The following EXO1 variants were observed in gnomAD, a reference collection of about 807,000 sequenced individuals.
EXO1 encodes exonuclease 1.
Under a neutral mutation model 84.5 loss-of-function variants are expected in EXO1, and 69 were observed. That is an observed-to-expected ratio of 0.82 (90% CI 0.67 to 1.00). The LOEUF (loss-of-function observed/expected upper bound fraction) is 1.00, where lower values mean the gene tolerates loss of function less well. Ranked by LOEUF, EXO1 falls within the 50% of genes least tolerant of loss-of-function variation. EXO1 has a pLI of 0.00. For synonymous variants in EXO1, 373 were observed against 366.1 expected, an observed-to-expected ratio of 1.02 and a Z score of -0.21; for missense variants, 1,045 against 1,000.7, an observed-to-expected ratio of 1.04 and a Z score of -0.60.
At chr1:241,860,447 A>G in intron 8 of EXO1, 70 bp from the exon 9 acceptor site, 1 of 1,211,050 alleles carries the variant, frequency 8.3e-7, no homozygotes, top group Non-Finnish European at 1.2e-6. Flanking sequence ...AATGTAAATC[A>G]ATCAGCCTTG....
At chr1:241,871,277 G>A (rs373468856) in intron 11 of EXO1, among the ~76,000 whole-genome samples, 317 of 152,236 alleles carry the variant, frequency 2.1e-3, no homozygotes, top group African/African-American at 7.3e-3. Context: ...GAGACATCTC[G>A]TTTCTGGTAT....
intron 5 of EXO1, 148 bp downstream of exon 5, chr1:241,852,559 C>T (rs1660732966): frequency 2.8e-6 from 2 of 722,662 alleles, no homozygotes; most frequent in East Asian, 5.0e-5. Flanking sequence ...GCAAGAGGAT[C>T]ACTTGAGCCC....
In EXO1 at chr1:241,860,674, T is replaced by G; in HGVS notation, c.914T>G (p.Val305Gly). Residue 305 changes from valine to glycine, a missense_variant, in exon 9 of 16, where the codon GTT (valine) becomes GGT (glycine). By Grantham distance (109) the Val-to-Gly change is moderately radical. Transcript: ENST00000366548. ...CCTCTGAACGCCTATGAAGATGATG[T>G]TGATCCTGAAACACTAAGCTACGCT... ...LIPLNAYEDDVDPETLSYAGQ... is the reference protein window; with the variant it reads ...LIPLNAYEDDGDPETLSYAGQ... 1 of 1,614,084 alleles carries G rather than the reference T, an allele frequency of 6.2e-7. No individual in the cohort carries two copies. Among genetic ancestry groups the G allele is most frequent in the East Asian group, 2.2e-5 (1 of 44,868 alleles).
intron 8 of EXO1, among the ~76,000 whole-genome samples, 161 bp downstream of exon 8, chr1:241,858,879 T>C (rs1343808914): frequency 6.6e-6 from 1 of 152,210 alleles, no homozygotes; most frequent in East Asian, 1.9e-4. Context: ...CCTTAGCAAC[T>C]AACATATATT....
chr1:241,860,647 T>G lies in EXO1; in HGVS notation c.887T>G (p.Ile296Ser). The stretch of plus-strand genomic sequence containing the variant: ...TTTGATCCCATCAAAAGGAAACTTA[T>G]TCCTCTGAACGCCTATGAAGATGAT... ...LVFDPIKRKL[I>S]PLNAYEDDVD... is the part of the protein sequence containing the mutation. Residue 296 changes from isoleucine (I) to serine (S), a missense_variant, in exon 9 of 16, where the codon ATT becomes AGT. Transcript: ENST00000366548. The G allele has an allele frequency of 6.2e-7, 1 of 1,614,128 alleles. No individual in the cohort carries two copies. The highest frequency in any genetic ancestry group is 1.7e-5 in the Admixed American group (1 of 60,016).
intron 12 of EXO1, among the ~76,000 whole-genome samples, chr1:241,875,090 G>T (rs532291463): frequency 6.6e-6 from 1 of 152,052 alleles, no homozygotes; most frequent in Non-Finnish European, 1.5e-5. Context: ...TGCCACCTCC[G>T]CCTCCCGGGT....
intron 5 of EXO1, among the ~76,000 whole-genome samples, chr1:241,852,989 G>A (rs1355636283): frequency 6.6e-6 from 1 of 152,190 alleles, no homozygotes; most frequent in Non-Finnish European, 1.5e-5. Flanking sequence ...ATTTTAATTT[G>A]TTGAGGCTTA....
rs754886009 is a variant in EXO1 at position 241,878,926 on chromosome 1, G to T, written c.1692G>T (p.Pro564=). The change falls in exon 13 of 16, where the codon CCG becomes CCT. Residue 564 remains proline, a synonymous_variant. Coordinates refer to ENST00000366548, the MANE Select transcript of EXO1 (RefSeq NM_130398.4). ...DVARNSSDDI[P]NNHIPGDHIP... ...CACGTAATTCAAGTGATGACATTCC[G>T]AATAATCATATTCCAGGTGATCATA... 6.2e-7 allele frequency: 1 copy of T among 1,614,120 alleles called. No individual in the cohort carries two copies.
At position 241,872,028 on chromosome 1, in the gene EXO1, T is replaced by A. The variant is rs1218134328; in HGVS notation, c.1268-4T>A. The A allele has an allele frequency of 1.2e-6, 2 of 1,612,926 alleles. No individual in the cohort carries two copies. The highest frequency in any genetic ancestry group is 1.7e-6 in the Non-Finnish European group (2 of 1,179,204). ...GATTTACAGATAATTTTGTTTTTATTTAGCAGAGCTGTCAGAAGATGACCT... is the reference window on the plus strand; with the variant it reads ...GATTTACAGATAATTTTGTTTTTATATAGCAGAGCTGTCAGAAGATGACCT... On this transcript the variant is annotated splice_polypyrimidine_tract_variant and splice_region_variant and intron_variant, in intron 11 of 15. Transcript: ENST00000366548.
intron 10 of EXO1, among the ~76,000 whole-genome samples, chr1:241,863,861 C>A (rs1661547255): frequency 6.6e-6 from 1 of 152,196 alleles, no homozygotes; most frequent in Non-Finnish European, 1.5e-5. Context: ...TGGTTAGTGG[C>A]TAACATAGTG....
intron 12 of EXO1, among the ~76,000 whole-genome samples, chr1:241,875,659 A>C (rs373047674): frequency 6.6e-6 from 1 of 152,122 alleles, no homozygotes; most frequent in Non-Finnish European, 1.5e-5. Flanking sequence ...CGGTCGGATC[A>C]TGAGGTCAGG....
At position 241,857,562 on chromosome 1, in the gene EXO1, A is replaced by G. The variant is rs912878555; in HGVS notation, c.543+80A>G. ...CAAGGAGCTGAAATTTTTCCTGTCC[A>G]GGAAATTATGATAATTTATAATATT... On this transcript the variant is annotated intron_variant, in intron 7 of 15. Coordinates refer to ENST00000366548, the MANE Select transcript of EXO1 (RefSeq NM_130398.4). 3.1e-5 allele frequency: 23 copies of G among 737,478 alleles called. No individual in the cohort carries two copies. In the Admixed American group the frequency reaches 5.3e-4, roughly 17 times the overall value. The allele number at this position is 737,478 out of a possible 1,614,324, so 45.7% of individuals were successfully genotyped here. A position where few individuals can be genotyped will look rare whatever the true frequency, so the allele number is the denominator to read the frequency against.
chr1:241,866,955 A>C lies in EXO1; in HGVS notation c.1167A>C (p.Gln389His), dbSNP rs774688889. 6.2e-7 allele frequency: 1 copy of C among 1,614,082 alleles called. No individual in the cohort carries two copies. Among genetic ancestry groups the C allele is most frequent in the Non-Finnish European group, 8.5e-7 (1 of 1,179,932 alleles). Residue 389 changes from glutamine to histidine, a missense_variant, in exon 11 of 16, where the codon CAA (glutamine) becomes CAC (histidine). Gln to His is a conservative substitution (Grantham distance 24). Transcript: ENST00000366548. ...CGGGTACTGTTTCAGATGCCCCACAATTGAAGGAAAATCCAAGTACTGTGG... is the reference window on the plus strand; with the variant it reads ...CGGGTACTGTTTCAGATGCCCCACACTTGAAGGAAAATCCAAGTACTGTGG... Reference protein sequence around the residue: ...PESGTVSDAPQLKENPSTVGV... With the variant: ...PESGTVSDAPHLKENPSTVGV...
At chr1:241,875,675 G>A (rs1029364569) in intron 12 of EXO1, among the ~76,000 whole-genome samples, 7 of 152,080 alleles carry the variant, frequency 4.6e-5, no homozygotes, top group Admixed American at 1.3e-4. Context: ...TCAGGAGATC[G>A]AGACCATCCT....
chr1:241,855,875 G>T (rs1413441355), intron 6 of EXO1, among the ~76,000 whole-genome samples: 1 of 152,246 alleles, frequency 6.6e-6, no homozygotes, highest in Non-Finnish European at 1.5e-5. Context: ...TGCTCTGAGT[G>T]CGGGGCCGCC....
intron 12 of EXO1, among the ~76,000 whole-genome samples, chr1:241,873,627 A>G (rs1014209472): frequency 2.0e-5 from 3 of 152,200 alleles, no homozygotes; most frequent in Non-Finnish European, 4.4e-5. Flanking sequence ...GCTAGGTGCT[A>G]TAGTTCAAAA....
chr1:241,857,250 C>T, intron 6 of EXO1, 95 bp from the exon 7 acceptor site: 1 of 1,162,550 alleles, frequency 8.6e-7, no homozygotes, highest in African/African-American at 1.5e-5. Context: ...TAGCATGTGC[C>T]TGCTGAGGCT....
chr1:241,855,430 CA>C (rs1299186849), intron 6 of EXO1, among the ~76,000 whole-genome samples: 1 of 152,200 alleles, frequency 6.6e-6, no homozygotes, highest in East Asian at 1.9e-4. Flanking sequence ...GAGCTAGATA[CA>C]GAGTGCCGAT....
chr1:241,851,105 C>G (rs768266346), intron 4 of EXO1, among the ~76,000 whole-genome samples: 1 of 152,166 alleles, frequency 6.6e-6, no homozygotes, highest in Non-Finnish European at 1.5e-5. Flanking sequence ...GCTGAGATTA[C>G]AGGCGTGAGC....
Sources: gnomAD v4.1 joint callset for allele counts (sites outside exome capture counted in the v4.1 genomes callset) on GRCh38, gnomAD v4.1.1 for gene constraint, MANE v1.5 for transcripts, NCBI Gene and HGNC (gene_info 2026-07-23, HGNC 2026-07-21) for gene names.